Variants in C6orf89 observed in about 807,000 individuals in gnomAD.
C6orf89 encodes chromosome 6 open reading frame 89.
A neutral mutation model predicts 40.7 loss-of-function variants in C6orf89; 29 were observed. The ratio of observed to expected loss-of-function variants is 0.71; its 90% CI spans 0.53 to 0.97. C6orf89 has a LOEUF of 0.97. Among genes scored for constraint, C6orf89 ranks in the 50% least tolerant of loss-of-function variants. The pLI, the probability that C6orf89 is intolerant of heterozygous loss-of-function variation, is 0.00. For synonymous variants in C6orf89, 165 were observed against 152.2 expected (o/e 1.08, Z -0.62); for missense variants, 392 against 429.1 (o/e 0.91, Z 0.76).
chr6:36,901,338 T>TA (rs1761699964), intron 3 of C6orf89, among the ~76,000 whole-genome samples: 1 of 62,046 alleles, frequency 1.6e-5, no homozygotes. Context: ...TTTTTTTTTT[T>TA]TTTTTTTTTT....
At chr6:36,873,917 G>A (rs1386994650) in intron 1 of C6orf89, among the ~76,000 whole-genome samples, 1 of 152,180 alleles carries the variant, frequency 6.6e-6, no homozygotes, top group Non-Finnish European at 1.5e-5. Context: ...GCAGCAAGAC[G>A]TTATTAAAGG....
intron 7 of C6orf89, among the ~76,000 whole-genome samples, chr6:36,917,681 T>C (rs1381159011): frequency 6.6e-6 from 1 of 151,596 alleles, no homozygotes; most frequent in Non-Finnish European, 1.5e-5. Flanking sequence ...AAGTTCTGTC[T>C]GCCAGCACTG....
At chr6:36,920,318 T>C (rs1762469456) in intron 8 of C6orf89, among the ~76,000 whole-genome samples, 1 of 152,190 alleles carries the variant, frequency 6.6e-6, no homozygotes, top group African/African-American at 2.4e-5. Flanking sequence ...TAATTAAAAA[T>C]CTGTTCCAAA....
chr6:36,920,327 A>G (rs1219197004), intron 8 of C6orf89, among the ~76,000 whole-genome samples: 3 of 152,180 alleles, frequency 2.0e-5, no homozygotes, highest in Non-Finnish European at 4.4e-5. Context: ...ATCTGTTCCA[A>G]AGAAACAGGT....
At chr6:36,884,860 G>GT (rs929820018), upstream of C6orf89, among the ~76,000 whole-genome samples, 8 of 152,214 alleles carry the variant, frequency 5.3e-5, no homozygotes, top group Admixed American at 1.3e-4. This position sits in a 1 kb window ranked among gnomAD's most constrained non-coding sequence, Gnocchi z 4.0. Flanking sequence ...AACAGACCAG[G>GT]TTTTTTCTCC....
chr6:36,917,764 C>T (rs1762377349), intron 7 of C6orf89, among the ~76,000 whole-genome samples: 1 of 152,104 alleles, frequency 6.6e-6, no homozygotes, highest in South Asian at 2.1e-4. Context: ...GAATTCCAGG[C>T]CCTTGTATGA....
chr6:36,910,883 T>G (rs1228047334), intron 4 of C6orf89, among the ~76,000 whole-genome samples: 3 of 152,236 alleles, frequency 2.0e-5, no homozygotes, highest in Non-Finnish European at 4.4e-5. Flanking sequence ...ATTTTCCATT[T>G]CAGTTTTTAA....
At chr6:36,920,512 T>C (rs1762474578) in intron 8 of C6orf89, among the ~76,000 whole-genome samples, 1 of 152,160 alleles carries the variant, frequency 6.6e-6, no homozygotes, top group Non-Finnish European at 1.5e-5. Context: ...TTTCTTTTAA[T>C]TTTACCCATT....
At chr6:36,874,902 A>G in intron 1 of C6orf89, 1 of 1,028,888 alleles carries the variant, frequency 9.7e-7, no homozygotes, top group Non-Finnish European at 1.5e-6. Flanking sequence ...TGGCCAAGAC[A>G]AGGAAGAGGA....
rs1762765685 is a variant in C6orf89, at chr6:36,928,716, C to A, written c.*5275C>A. ...CTCCCGCCATCATCGGGGACAGGTG[C>A]CAGGGTCAGCTGCAGCTCTCCTTCC... On this transcript the variant is annotated 3_prime_UTR_variant, in exon 9 of 9. Transcript: ENST00000480824. 1 of 152,294 alleles carries A rather than the reference C, an allele frequency of 6.6e-6. No individual in the cohort carries two copies. Among genetic ancestry groups the A allele is most frequent in the Non-Finnish European group, 1.5e-5 (1 of 68,110 alleles). The allele number at this position is 152,294 out of a possible 1,614,324, so 9.4% of individuals were successfully genotyped here. A position where few individuals can be genotyped will look rare whatever the true frequency, so the allele number is the denominator to read the frequency against.
Position 36,911,937 on chromosome 6 carries a change from C to CA in C6orf89, c.404-2347_404-2346insA, listed in dbSNP as rs989968782. 2.0e-5 allele frequency among the ~76,000 whole-genome samples: 3 copies of CA among 147,550 alleles called. 1 individual carries two copies. Among genetic ancestry groups the CA allele is most frequent in the African/African-American group, 4.9e-5 (2 of 40,448 alleles). On this transcript the variant is annotated intron_variant, in intron 4 of 8. Coordinates refer to ENST00000480824, the MANE Select transcript of C6orf89 (RefSeq NM_001286635.2). ...CACTTCTCATCACAGTGAACCCCCC[C>CA]CCCCCGACCTTTTCCCTAAAAAAGG...
At chr6:36,917,286 G>GGC (rs1762358717) in intron 7 of C6orf89, among the ~76,000 whole-genome samples, 1 of 152,188 alleles carries the variant, frequency 6.6e-6, no homozygotes, top group South Asian at 2.1e-4. Context: ...TTGATAGGCA[G>GGC]GCAGCCCAGC....
intron 6 of C6orf89, among the ~76,000 whole-genome samples, 188 bp from the exon 7 acceptor site, chr6:36,916,257 T>G (rs1038667348): frequency 2.0e-5 from 3 of 152,258 alleles, no homozygotes; most frequent in Non-Finnish European, 4.4e-5. Flanking sequence ...TATGCCTGTG[T>G]GTGTACACAT....
intron 4 of C6orf89, among the ~76,000 whole-genome samples, chr6:36,908,562 G>GTCTATACAAATAGACATATATCTA (rs1306268768): frequency 6.6e-6 from 1 of 152,052 alleles, no homozygotes; most frequent in African/African-American, 2.4e-5. Context: ...GTTTTTCCAT[G>GTCTATACAAATAGACATATATCTA]TCTATACAAA....
intron 2 of C6orf89, among the ~76,000 whole-genome samples, chr6:36,896,939 C>G (rs998632097): frequency 6.6e-6 from 1 of 151,628 alleles, no homozygotes; most frequent in South Asian, 2.1e-4. Context: ...ACCAGCCTGG[C>G]CAACATGGTG....
At chr6:36,911,242 C>T (rs180909066) in intron 4 of C6orf89, among the ~76,000 whole-genome samples, 1 of 152,152 alleles carries the variant, frequency 6.6e-6, no homozygotes, top group Admixed American at 6.5e-5. Context: ...GTAATCCCAG[C>T]ACTTTGCAAG....
Position 36,923,510 on chromosome 6 carries a change from A to T in C6orf89, c.*69A>T, listed in dbSNP as rs1355834319. ...AGGTTGAAAGGGGAAAAATAAAAAC[A>T]AAAACGATGAAACTGCTTTCTGGGG... On this transcript the variant is annotated 3_prime_UTR_variant, in exon 9 of 9. Coordinates refer to ENST00000480824, the MANE Select transcript of C6orf89 (RefSeq NM_001286635.2). 1.3e-5 allele frequency: 16 copies of T among 1,234,142 alleles called. No individual in the cohort carries two copies. The highest frequency in any genetic ancestry group is 1.8e-5 in the Non-Finnish European group (15 of 844,724). The allele number at this position is 1,234,142 out of a possible 1,614,324, so 76.4% of individuals were successfully genotyped here.
At chr6:36,883,621 T>C (rs1179602781), upstream of C6orf89, among the ~76,000 whole-genome samples, 1 of 152,080 alleles carries the variant, frequency 6.6e-6, no homozygotes, top group Non-Finnish European at 1.5e-5. Context: ...AGGCCCAATG[T>C]AGGTAACAAA....
At chr6:36,874,257 G>A (rs994901203) in intron 1 of C6orf89, among the ~76,000 whole-genome samples, 3 of 152,206 alleles carry the variant, frequency 2.0e-5, no homozygotes, top group African/African-American at 7.2e-5. Context: ...TGATAGTGGG[G>A]AAAATGTGCT....
Sources: gnomAD v4.1 joint callset for allele counts (sites outside exome capture counted in the v4.1 genomes callset) on GRCh38, gnomAD v4.1.1 for gene constraint, Gnocchi (gnomAD v3.1) non-coding constraint, MANE v1.5 for transcripts, NCBI Gene and HGNC (gene_info 2026-07-23, HGNC 2026-07-21) for gene names.